The following EMC2 variants were observed in gnomAD, a reference collection of about 807,000 sequenced individuals.
EMC2 encodes ER membrane protein complex subunit 2, also known as TPR repeat protein 35.
A neutral mutation model predicts 51.6 loss-of-function variants in EMC2; 37 were observed. The observed-to-expected ratio is 0.72, with a 90% CI of 0.55 to 0.94. EMC2 has a LOEUF of 0.94. EMC2 is among the 40% of genes least tolerant of loss of function. EMC2 has a pLI of 0.00. For synonymous variants in EMC2, 131 were observed against 112.4 expected, an observed-to-expected ratio of 1.17 and a Z score of -1.04; for missense variants, 359 against 350.9, an observed-to-expected ratio of 1.02 and a Z score of -0.18.
Position 108,469,806 on chromosome 8 carries a change from TTATTA to T in EMC2, c.364-19_364-15del. On this transcript the variant is annotated splice_polypyrimidine_tract_variant and intron_variant, in intron 5 of 10. Transcript: ENST00000220853. ...CAAGGAATCATAAGGGCCTAATCCT[TTATTA>T]ATGTCAACCCACAGGCTGCAAGAAA... is the stretch of plus-strand genomic sequence containing the variant. 2.5e-6 allele frequency: 4 copies of T among 1,607,926 alleles called. No homozygotes were observed. The highest frequency in any genetic ancestry group is 3.4e-6 in the Non-Finnish European group (4 of 1,174,806).
chr8:108,478,444 A>G (rs1395550375), intron 9 of EMC2, among the ~76,000 whole-genome samples: 1 of 152,086 alleles, frequency 6.6e-6, no homozygotes, highest in Admixed American at 6.6e-5. Flanking sequence ...AGAGAAATGG[A>G]TTAGAGATAA....
chr8:108,449,088 T>G (rs1424455102), intron 1 of EMC2, among the ~76,000 whole-genome samples: 1 of 152,168 alleles, frequency 6.6e-6, no homozygotes, highest in African/African-American at 2.4e-5. Context: ...ATAGGATAAC[T>G]TACTTTGTTA....
chr8:108,464,665 C>G (rs1221295249), intron 5 of EMC2, among the ~76,000 whole-genome samples: 1 of 152,214 alleles, frequency 6.6e-6, no homozygotes, highest in Non-Finnish European at 1.5e-5. Context: ...GAACACAGGC[C>G]TCTGTGTGAC....
chr8:108,471,638 A>G (rs1477965160), intron 7 of EMC2, among the ~76,000 whole-genome samples: 3 of 152,042 alleles, frequency 2.0e-5, no homozygotes, highest in Middle Eastern at 3.4e-3. Context: ...CACTGTAACA[A>G]TCTACAGTGT....
chr8:108,456,701 C>T (rs1819170328), intron 5 of EMC2, among the ~76,000 whole-genome samples: 1 of 151,758 alleles, frequency 6.6e-6, no homozygotes, highest in Admixed American at 6.6e-5. Flanking sequence ...TGAAAAATAC[C>T]CTGGTGAATT....
intron 5 of EMC2, among the ~76,000 whole-genome samples, chr8:108,469,192 A>G (rs1232154213): frequency 6.6e-6 from 1 of 152,192 alleles, no homozygotes; most frequent in Non-Finnish European, 1.5e-5. Flanking sequence ...TTCATTGTGT[A>G]GCACAATATT....
At chr8:108,471,703 C>T (rs1045737517) in intron 7 of EMC2, among the ~76,000 whole-genome samples, 1 of 151,734 alleles carries the variant, frequency 6.6e-6, no homozygotes, top group East Asian at 1.9e-4. Context: ...GTATTTTTAA[C>T]GAGTTTCCTA....
At chr8:108,459,208 T>C (rs1819244933) in intron 5 of EMC2, among the ~76,000 whole-genome samples, 1 of 152,198 alleles carries the variant, frequency 6.6e-6, no homozygotes, top group African/African-American at 2.4e-5. Context: ...AGTTACAAAC[T>C]TTCCCACATT....
chr8:108,455,192 A>G (rs1037146779), intron 4 of EMC2, among the ~76,000 whole-genome samples: 6 of 151,960 alleles, frequency 3.9e-5, no homozygotes, highest in Admixed American at 6.6e-5. Context: ...ATTCCATTAC[A>G]TATATATGAC....
At chr8:108,465,092 A>G (rs1239991556) in intron 5 of EMC2, among the ~76,000 whole-genome samples, 1 of 152,188 alleles carries the variant, frequency 6.6e-6, no homozygotes, top group Non-Finnish European at 1.5e-5. Flanking sequence ...AAAATAAAAA[A>G]ATGTATGTCT....
At chr8:108,446,318 A>G (rs1818877389) in intron 1 of EMC2, 1 of 422,526 alleles carries the variant, frequency 2.4e-6, no homozygotes, top group African/African-American at 2.0e-5. Flanking sequence ...ATCATTGGGT[A>G]TCTTAAGAAT....
chr8:108,455,582 G>A (rs1252728160), intron 4 of EMC2, among the ~76,000 whole-genome samples: 1 of 151,934 alleles, frequency 6.6e-6, no homozygotes, highest in African/African-American at 2.4e-5. Context: ...AACTTGTGTG[G>A]CTAGTTTTTA....
chr8:108,476,252 CATTT>C (rs1319156889), intron 8 of EMC2, among the ~76,000 whole-genome samples: 2 of 151,820 alleles, frequency 1.3e-5, no homozygotes, highest in African/African-American at 4.8e-5. Flanking sequence ...GCTTGTGAGA[CATTT>C]ATAGTGATTA....
At chr8:108,451,218 A>G (rs1487294271) in intron 3 of EMC2, among the ~76,000 whole-genome samples, 8 of 147,382 alleles carry the variant, frequency 5.4e-5, no homozygotes, top group Non-Finnish European at 5.9e-5. Flanking sequence ...AAAAAAAGAA[A>G]AAAATCAAAC....
At chr8:108,446,971 A>G (rs564334008) in intron 1 of EMC2, among the ~76,000 whole-genome samples, 2 of 152,240 alleles carry the variant, frequency 1.3e-5, no homozygotes, top group East Asian at 3.9e-4. Context: ...ATTATATTTT[A>G]ATATGTGACT....
chr8:108,444,692 C>A (rs935889509), intron 1 of EMC2, among the ~76,000 whole-genome samples: 1 of 152,102 alleles, frequency 6.6e-6, no homozygotes, highest in Non-Finnish European at 1.5e-5. Context: ...AGCAAAATTT[C>A]TTTGTACTTG....
rs1402980616 is a variant in EMC2 at position 108,476,786 on chromosome 8, A to G, written c.596A>G (p.Lys199Arg). 8 of 1,520,298 alleles carry G rather than the reference A, an allele frequency of 5.3e-6. No homozygotes were observed. Among genetic ancestry groups the G allele is most frequent in the Admixed American group, 3.4e-5 (2 of 59,612 alleles). 94.2% of individuals were successfully genotyped at this position (1,520,298 alleles called of 1,614,324 possible). Residue 199 changes from lysine to arginine, a missense_variant, in exon 9 of 11, where the codon AAG becomes AGG. By Grantham distance (26) the Lys-to-Arg change is conservative. Transcript: ENST00000220853. ...HLYCQQYAEV[K>R]YTQGGLENLE... ...GCACTTTGCAATTTTTAACAGGTTA[A>G]GTATACCCAAGGTGGACTTGAAAAC...
intron 1 of EMC2, among the ~76,000 whole-genome samples, chr8:108,448,344 C>T (rs1444791523): frequency 1.3e-5 from 2 of 152,138 alleles, no homozygotes; most frequent in Non-Finnish European, 1.5e-5. Context: ...GTATACTATA[C>T]GTCCTCTATG....
intron 10 of EMC2, among the ~76,000 whole-genome samples, chr8:108,482,543 T>C (rs1811062266): frequency 6.6e-6 from 1 of 152,140 alleles, no homozygotes; most frequent in Admixed American, 6.6e-5. Flanking sequence ...TTTTCGTATT[T>C]AATCCACAAC....
Sources: gnomAD v4.1 joint callset for allele counts (sites outside exome capture counted in the v4.1 genomes callset) on GRCh38, gnomAD v4.1.1 for gene constraint, MANE v1.5 for transcripts, NCBI Gene and HGNC (gene_info 2026-07-23, HGNC 2026-07-21) for gene names.